GRID2IP: variants seen among roughly 807,000 people sequenced by gnomAD.
GRID2IP encodes Grid2 interacting protein.
A neutral mutation model predicts 114.3 loss-of-function variants in GRID2IP; 78 were observed. The ratio of observed to expected loss-of-function variants is 0.68; its 90% CI spans 0.57 to 0.82. The LOEUF (loss-of-function observed/expected upper bound fraction) is 0.82. GRID2IP is among the 40% of genes least tolerant of loss of function. GRID2IP has a pLI of 0.00. For synonymous variants in GRID2IP, 809 were observed against 724.0 expected, an observed-to-expected ratio of 1.12 and a Z score of -1.89; for missense variants, 1,727 against 1,678.5, an observed-to-expected ratio of 1.03 and a Z score of -0.51.
rs866956493 is a variant in GRID2IP, at chr7:6,497,940, G to C, written c.3565-95C>G. 9 of 1,401,158 alleles carry C rather than the reference G, an allele frequency of 6.4e-6. No individual in the cohort carries two copies. The African/African-American group carries it at 1.0e-4, about 16-fold the overall frequency. The allele number at this position is 1,401,158 out of a possible 1,614,324, so 86.8% of individuals were successfully genotyped here. A position where few individuals can be genotyped will look rare whatever the true frequency, so the allele number is the denominator to read the frequency against. On this transcript the variant is annotated intron_variant, in intron 21 of 21. Coordinates refer to ENST00000457091, the MANE Select transcript of GRID2IP (RefSeq NM_001145118.2). The stretch of plus-strand genomic sequence containing the variant: ...TCCCACACTAGACAGCCCATCAGGG[G>C]GTTAGGGGGACATGTCGCTCACTGG...
In GRID2IP at chr7:6,520,327, CT is replaced by C. The variant is rs2115071452; in HGVS notation, c.1268+250del. 6.6e-6 allele frequency among the ~76,000 whole-genome samples: 1 copy of C among 152,172 alleles called. No individual in the cohort carries two copies. Among genetic ancestry groups the C allele is most frequent in the South Asian group, 2.1e-4 (1 of 4,822 alleles). On this transcript the variant is annotated intron_variant, in intron 7 of 21. Transcript: ENST00000457091. This position sits in a 1 kb window ranked among gnomAD's most constrained non-coding sequence, Gnocchi z 4.6. ...ATAGAATGTTGCAGGTGGTTCCTGT[CT>C]GCCTCACTTCACAGAGAAGGCTGAG...
chr7:6,537,506 T>C (rs1206485864), intron 2 of GRID2IP, among the ~76,000 whole-genome samples: 1 of 145,176 alleles, frequency 6.9e-6, no homozygotes, highest in Non-Finnish European at 1.5e-5. Flanking sequence ...GCCTCCCCAG[T>C]AGCTAGGATT....
intron 2 of GRID2IP, among the ~76,000 whole-genome samples, chr7:6,538,777 G>C (rs1384487098): frequency 6.6e-6 from 1 of 152,098 alleles, no homozygotes; most frequent in Non-Finnish European, 1.5e-5. Flanking sequence ...GGGAGGTTGA[G>C]GCAGGAGAAT....
chr7:6,534,103 G>A lies in GRID2IP; in HGVS notation c.584+5615C>T, dbSNP rs1779683499. 6.6e-6 allele frequency among the ~76,000 whole-genome samples: 1 copy of A among 152,090 alleles called. No individual in the cohort carries two copies. Among genetic ancestry groups the A allele is most frequent in the Admixed American group, 6.5e-5 (1 of 15,268 alleles). ...GTTCATTTACATGGTTTCCTACCAA[G>A]AACCCTGCTGAGAACACCCAGAAAC... On this transcript the variant is annotated intron_variant, in intron 2 of 21. Coordinates refer to ENST00000457091, the MANE Select transcript of GRID2IP (RefSeq NM_001145118.2). The surrounding 1 kb of genome is among the most constrained non-coding windows in gnomAD (Gnocchi z 4.5).
Position 6,514,460 on chromosome 7 carries a change from C to T in GRID2IP, c.1338G>A (p.Gln446=), listed in dbSNP as rs1779251412. The change falls in exon 8 of 22, where the codon CAG becomes CAA. Residue 446 remains glutamine, a synonymous_variant. Coordinates refer to ENST00000457091, the MANE Select transcript of GRID2IP (RefSeq NM_001145118.2). The part of the protein sequence containing the change: ...LDTPAKQVLW[Q]FIYQLLTYEE... ...CATAGGTCAGCAGCTGGTAGATGAACTGCCACAGGACCTGCTTGGCAGGGG... is the reference window on the plus strand; with the variant it reads ...CATAGGTCAGCAGCTGGTAGATGAATTGCCACAGGACCTGCTTGGCAGGGG... The T allele has an allele frequency of 6.5e-7, 1 of 1,549,964 alleles. No individual in the cohort carries two copies. Among genetic ancestry groups the T allele is most frequent in the African/African-American group, 1.4e-5 (1 of 73,008 alleles).
At chr7:6,543,270 G>A (rs987886714) in intron 1 of GRID2IP, among the ~76,000 whole-genome samples, 2 of 151,996 alleles carry the variant, frequency 1.3e-5, no homozygotes, top group Non-Finnish European at 2.9e-5. Flanking sequence ...GATGGCAAAC[G>A]CCTGTAATCC....
chr7:6,499,439 A>T (rs1484711584), intron 20 of GRID2IP, among the ~76,000 whole-genome samples: 1 of 152,036 alleles, frequency 6.6e-6, no homozygotes, highest in Non-Finnish European at 1.5e-5. Context: ...TTAATTAATT[A>T]ATTAATTTTG....
intron 15 of GRID2IP, among the ~76,000 whole-genome samples, chr7:6,504,081 C>A (rs1257427220): frequency 8.0e-6 from 1 of 125,048 alleles, no homozygotes; most frequent in African/African-American, 3.2e-5. Context: ...TGAGGCAGAG[C>A]TGGGGCGGGG....
At chr7:6,524,566 G>C (rs950242356) in intron 4 of GRID2IP, among the ~76,000 whole-genome samples, 1 of 152,102 alleles carries the variant, frequency 6.6e-6, no homozygotes, top group African/African-American at 2.4e-5. Context: ...CCTTCTTCAA[G>C]ATGCCATGGT....
chr7:6,531,851 G>C (rs1779633088), intron 2 of GRID2IP, among the ~76,000 whole-genome samples: 1 of 152,216 alleles, frequency 6.6e-6, no homozygotes, highest in Admixed American at 6.5e-5. Flanking sequence ...CCCAGAGGGG[G>C]GTGTTGGGAT....
chr7:6,550,157 AGTTTTTGATTTTTTT>A (rs1779952364), intron 1 of GRID2IP, among the ~76,000 whole-genome samples: 1 of 150,900 alleles, frequency 6.6e-6, no homozygotes, highest in Non-Finnish European at 1.5e-5. Flanking sequence ...ATGCCAAGCT[AGTTTTTGATTTTTTT>A]TGTAGAGATG....
Position 6,497,477 on chromosome 7 carries a change from CCT to C in GRID2IP, c.*295_*296del, listed in dbSNP as rs1323956456. On this transcript the variant is annotated 3_prime_UTR_variant, in exon 22 of 22. Transcript: ENST00000457091. Reference sequence around the variant, plus strand: ...CTTTGTAATCCACCCTCCAGGCCCCCCTGACAGCCTGGGAGCGAAGTGGGAAG... The same window carrying C: ...CTTTGTAATCCACCCTCCAGGCCCCCGACAGCCTGGGAGCGAAGTGGGAAG... The C allele has an allele frequency of 6.3e-5, 20 of 319,406 alleles. No individual in the cohort carries two copies. Among genetic ancestry groups the C allele is most frequent in the Middle Eastern group, 1.8e-3 (2 of 1,122 alleles). The allele number at this position is 319,406 out of a possible 1,614,324, so 19.8% of individuals were successfully genotyped here.
At chr7:6,517,364 G>T (rs1205744578) in intron 7 of GRID2IP, among the ~76,000 whole-genome samples, 2 of 151,842 alleles carry the variant, frequency 1.3e-5, no homozygotes, top group African/African-American at 4.8e-5. Flanking sequence ...GCCGTCTTGT[G>T]TCTTTATTTC....
At chr7:6,518,103 G>T (rs889484801) in intron 7 of GRID2IP, among the ~76,000 whole-genome samples, 1 of 151,482 alleles carries the variant, frequency 6.6e-6, no homozygotes, top group Non-Finnish European at 1.5e-5. Context: ...GTAGGCGAGT[G>T]CCTGTAGTCC....
chr7:6,550,219 A>T (rs1245993483), intron 1 of GRID2IP, among the ~76,000 whole-genome samples: 1 of 151,928 alleles, frequency 6.6e-6, no homozygotes, highest in Non-Finnish European at 1.5e-5. Flanking sequence ...CCTTGAACTC[A>T]GGGTCTCAAG....
At position 6,501,915 on chromosome 7, in the gene GRID2IP, C is replaced by G. The variant is rs1554274226; in HGVS notation, c.3281-16G>C. The G allele has an allele frequency of 2.6e-6, 4 of 1,550,892 alleles. No homozygotes were observed. In the South Asian group the frequency reaches 3.6e-5, roughly 14 times the overall value. ...CGTTGGTTCACTGTAGGGAAGAGGACAGGGGCTGCATGGGGCCACTCTCCC... is the reference window on the plus strand; with the variant it reads ...CGTTGGTTCACTGTAGGGAAGAGGAGAGGGGCTGCATGGGGCCACTCTCCC... On this transcript the variant is annotated splice_polypyrimidine_tract_variant and intron_variant, in intron 19 of 21. Coordinates refer to ENST00000457091, the MANE Select transcript of GRID2IP (RefSeq NM_001145118.2).
rs1583340649 is a variant in GRID2IP, at chr7:6,514,470, A to G, written c.1328T>C (p.Val443Ala). Residue 443 changes from valine (V) to alanine (A), a missense_variant, in exon 8 of 22, where the codon GTC becomes GCC. Val to Ala is a moderately conservative substitution (Grantham distance 64). Coordinates refer to ENST00000457091, the MANE Select transcript of GRID2IP (RefSeq NM_001145118.2). Reference protein sequence around the residue: ...YPVLDTPAKQVLWQFIYQLLT... With the variant: ...YPVLDTPAKQALWQFIYQLLT... ...CAGCTGGTAGATGAACTGCCACAGGACCTGCTTGGCAGGGGTGTCCAGCAC... is the reference window on the plus strand; with the variant it reads ...CAGCTGGTAGATGAACTGCCACAGGGCCTGCTTGGCAGGGGTGTCCAGCAC... The G allele has an allele frequency of 4.5e-6, 7 of 1,549,532 alleles. No homozygotes were observed. In the East Asian group the frequency reaches 1.7e-4, roughly 38 times the overall value.
intron 9 of GRID2IP, 50 bp from the exon 10 acceptor site, chr7:6,510,756 C>A (rs1336405387): frequency 2.0e-6 from 3 of 1,522,170 alleles, no homozygotes; most frequent in Non-Finnish European, 2.7e-6. Flanking sequence ...GGCTCAGGCC[C>A]CGGCCCAGAA....
rs911230702 is a variant in GRID2IP, at chr7:6,520,129, A to G, written c.1268+449T>C. Among the ~76,000 whole-genome samples the G allele has an allele frequency of 6.6e-6, 1 of 152,124 alleles. No individual in the cohort carries two copies. The highest frequency in any genetic ancestry group is 1.5e-5 in the Non-Finnish European group (1 of 68,020). On this transcript the variant is annotated intron_variant, in intron 7 of 21. Coordinates refer to ENST00000457091, the MANE Select transcript of GRID2IP (RefSeq NM_001145118.2). The surrounding 1 kb of genome is among the most constrained non-coding windows in gnomAD (Gnocchi z 4.6). ...TCTCTAGTAAAACCCTGTCTCTAGT[A>G]AAAATACAAAAAAATTAGCCGGGTG...
Sources: allele counts gnomAD v4.1 joint callset (sites outside exome capture counted in the v4.1 genomes callset), GRCh38; gene constraint gnomAD v4.1.1; non-coding constraint Gnocchi (gnomAD v3.1); transcripts MANE v1.5; gene names NCBI Gene and HGNC (gene_info 2026-07-23, HGNC 2026-07-21).